TOM1L2: variants seen among roughly 807,000 people sequenced by gnomAD.
TOM1L2 encodes target of myb1 like 2 membrane trafficking protein.
A neutral mutation model predicts 67.9 loss-of-function variants in TOM1L2; 31 were observed. That is an observed-to-expected ratio of 0.46 (90% CI 0.34 to 0.62). TOM1L2 has a LOEUF of 0.62. TOM1L2 is among the 20% of genes least tolerant of loss of function. The pLI is 0.01. For missense variants in TOM1L2, 606 were observed against 663.5 expected, an observed-to-expected ratio of 0.91 and a Z score of 0.95; for synonymous variants, 256 against 254.0, an observed-to-expected ratio of 1.01 and a Z score of -0.07.
intron 11 of TOM1L2, 72 bp downstream of exon 11, chr17:17,862,659 G>T: frequency 2.3e-6 from 3 of 1,283,404 alleles, no homozygotes; most frequent in Non-Finnish European, 3.3e-6. Context: ...GCCTTTTTGT[G>T]CTGGCCTGTG....
At chr17:17,913,080 G>A (rs1598325188) in intron 1 of TOM1L2, among the ~76,000 whole-genome samples, 1 of 151,732 alleles carries the variant, frequency 6.6e-6, no homozygotes, top group Non-Finnish European at 1.5e-5. Flanking sequence ...GCAGGCACTC[G>A]GCAGGCTGAG....
intron 1 of TOM1L2, among the ~76,000 whole-genome samples, chr17:17,959,091 C>T (rs1346959823): frequency 2.0e-5 from 3 of 152,162 alleles, no homozygotes; most frequent in Non-Finnish European, 4.4e-5. Flanking sequence ...TCCTTTGTCA[C>T]GAAAATGTAA....
chr17:17,952,394 T>C lies in TOM1L2; in HGVS notation c.52+19868A>G, dbSNP rs990465050. On this transcript the variant is annotated intron_variant, in intron 1 of 14. Transcript: ENST00000379504. ...TTATTTTCTTTTTTTTTTTTTTTTT[T>C]TTTTTTTTTTTTTTTGAGACAGGAT... Among the ~76,000 whole-genome samples the C allele has an allele frequency of 2.1e-4, 28 of 134,928 alleles. 1 individual carries two copies. The East Asian group carries it at 4.3e-3, about 21-fold the overall frequency. 88.5% of individuals were successfully genotyped at this position (134,928 alleles called of 152,430 possible). A position where few individuals can be genotyped will look rare whatever the true frequency, so the allele number is the denominator to read the frequency against.
chr17:17,969,824 T>G (rs1460213944), intron 1 of TOM1L2, among the ~76,000 whole-genome samples: 1 of 151,948 alleles, frequency 6.6e-6, no homozygotes, highest in Non-Finnish European at 1.5e-5. Context: ...ATACATTATC[T>G]CATTTAAACT....
chr17:17,851,148 A>C, intron 12 of TOM1L2, 196 bp from the exon 13 acceptor site: 1 of 591,776 alleles, frequency 1.7e-6, no homozygotes. Context: ...GAGGAAAGCA[A>C]TGAGGTGCAA....
In TOM1L2 at chr17:17,903,882, G is replaced by A. The variant is rs77151937; in HGVS notation, c.137+3565C>T. 2.8e-3 allele frequency among the ~76,000 whole-genome samples: 433 copies of A among 151,998 alleles called. 3 individuals carry two copies. Among genetic ancestry groups the A allele is most frequent in the African/African-American group, 9.9e-3 (413 of 41,518 alleles). On this transcript the variant is annotated intron_variant, in intron 2 of 14. Coordinates refer to ENST00000379504, the MANE Select transcript of TOM1L2 (RefSeq NM_001082968.2). Reference sequence around the variant, plus strand: ...GGATCTACTTAGTGAAAGAGGTGACGAGAACAGAAGGGACAGCAGGTCAGA... The same window carrying A: ...GGATCTACTTAGTGAAAGAGGTGACAAGAACAGAAGGGACAGCAGGTCAGA...
chr17:17,920,435 G>A (rs1313327929), intron 1 of TOM1L2, among the ~76,000 whole-genome samples: 1 of 148,752 alleles, frequency 6.7e-6, no homozygotes, highest in African/African-American at 2.5e-5. Flanking sequence ...CCGGCTCCCG[G>A]GTTCAAGCAA....
chr17:17,866,898 G>C lies in TOM1L2; in HGVS notation c.938C>G (p.Ser313Cys), dbSNP rs2036876293. The C allele has an allele frequency of 6.2e-7, 1 of 1,614,014 alleles. No individual in the cohort carries two copies. Among genetic ancestry groups the C allele is most frequent in the Non-Finnish European group, 8.5e-7 (1 of 1,179,954 alleles). The change falls in exon 9 of 15, where the codon TCC becomes TGC. Residue 313 changes from serine (S) to cysteine (C), a missense_variant. Around this residue, in one of 2 missense-constraint regions of TOM1L2, gnomAD observed 543 missense variants for 554.0 expected, o/e 0.98. Coordinates refer to ENST00000379504, the MANE Select transcript of TOM1L2 (RefSeq NM_001082968.2). ...TACTCCATTACTGGCATTTTGAACG[G>C]ATCGGCCAGACCTGTATCGTTCGAA... ...ERFERYRSGR[S>C]VQNASNGVLN...
chr17:17,880,569 T>C (rs2037671355), intron 6 of TOM1L2, among the ~76,000 whole-genome samples: 1 of 152,182 alleles, frequency 6.6e-6, no homozygotes, highest in African/African-American at 2.4e-5. Flanking sequence ...AGAATCTGCA[T>C]AGAGGTGGCT....
At chr17:17,894,592 A>G (rs1188396764) in intron 3 of TOM1L2, among the ~76,000 whole-genome samples, 1 of 152,234 alleles carries the variant, frequency 6.6e-6, no homozygotes, top group East Asian at 1.9e-4. Context: ...AGCAGAGATG[A>G]TGAGCTCTCC....
intron 4 of TOM1L2, among the ~76,000 whole-genome samples, chr17:17,892,589 T>C (rs1329478348): frequency 1.3e-5 from 2 of 152,106 alleles, no homozygotes; most frequent in African/African-American, 2.4e-5. Flanking sequence ...TGGGCATCCT[T>C]CTGGTCCCAT....
chr17:17,906,190 A>G (rs1165484243), intron 2 of TOM1L2, among the ~76,000 whole-genome samples: 1 of 147,254 alleles, frequency 6.8e-6, no homozygotes, highest in Non-Finnish European at 1.5e-5. Flanking sequence ...GTACAGTGGC[A>G]TGCTCATGGC....
intron 1 of TOM1L2, among the ~76,000 whole-genome samples, 199 bp downstream of exon 1, chr17:17,972,063 C>G (rs919013108): frequency 2.5e-4 from 38 of 152,036 alleles, no homozygotes; most frequent in African/African-American, 9.2e-4. Flanking sequence ...GGATGCCCAG[C>G]CCGCCCGTGA....
At chr17:17,902,013 C>A (rs2038880329) in intron 2 of TOM1L2, among the ~76,000 whole-genome samples, 1 of 152,136 alleles carries the variant, frequency 6.6e-6, no homozygotes, top group African/African-American at 2.4e-5. Context: ...CCTGTCTCTA[C>A]TAAAAATACA....
At chr17:17,856,612 G>A (rs888724832) in intron 12 of TOM1L2, among the ~76,000 whole-genome samples, 3 of 152,228 alleles carry the variant, frequency 2.0e-5, no homozygotes, top group Non-Finnish European at 4.4e-5. Flanking sequence ...AGCACACTAT[G>A]GGCAGTTATG....
chr17:17,970,226 CTT>C (rs112968102), intron 1 of TOM1L2, among the ~76,000 whole-genome samples: 1 of 144,772 alleles, frequency 6.9e-6, no homozygotes, highest in Non-Finnish European at 1.5e-5. Flanking sequence ...GGCTAATTTT[CTT>C]TTTTTTTTTG....
chr17:17,942,122 T>C (rs1296524705), intron 1 of TOM1L2, among the ~76,000 whole-genome samples: 1 of 152,220 alleles, frequency 6.6e-6, no homozygotes, highest in Non-Finnish European at 1.5e-5. Flanking sequence ...AGGCAGAAGA[T>C]ATGGACAAAG....
intron 1 of TOM1L2, among the ~76,000 whole-genome samples, chr17:17,963,542 G>A (rs2041772894): frequency 1.3e-5 from 2 of 152,226 alleles, no homozygotes; most frequent in South Asian, 2.1e-4. Context: ...CCTGTAAGAT[G>A]AAGATAACAG....
chr17:17,872,948 T>A (rs1238908477), intron 7 of TOM1L2, among the ~76,000 whole-genome samples: 1 of 152,128 alleles, frequency 6.6e-6, no homozygotes. Flanking sequence ...AGTGTGGCAG[T>A]AGGTTGTGGG....
Sources: allele counts gnomAD v4.1 joint callset (sites outside exome capture counted in the v4.1 genomes callset), GRCh38; gene constraint gnomAD v4.1.1; regional missense constraint gnomAD v4.1.1; transcripts MANE v1.5; gene names NCBI Gene and HGNC (gene_info 2026-07-23, HGNC 2026-07-21).